The following STOML3 variants were observed in gnomAD, a reference collection of about 807,000 sequenced individuals.
STOML3 encodes the protein stomatin-like protein 3.
In STOML3, 31 loss-of-function variants were observed where a neutral mutation model predicts 29.5. That is an observed-to-expected ratio of 1.05 (90% confidence interval 0.79 to 1.42). The LOEUF (loss-of-function observed/expected upper bound fraction) is 1.42. Among genes scored for constraint, STOML3 ranks in the 40% most tolerant of loss-of-function variants. The pLI is 0.00. For missense variants in STOML3, 380 were observed against 363.0 expected (o/e 1.05, Z -0.38); for synonymous variants, 122 against 139.8 (o/e 0.87, Z 0.90).
chr13:38,968,381 T>C lies in STOML3; in HGVS notation c.651+19A>G, dbSNP rs1880733308. 1 of 1,613,696 alleles carries C rather than the reference T, an allele frequency of 6.2e-7. No homozygotes were observed. Among genetic ancestry groups the C allele is most frequent in the African/African-American group, 1.3e-5 (1 of 75,052 alleles). On this transcript the variant is annotated intron_variant, in intron 6 of 6. Transcript: ENST00000379631. ...CACTAGGCAGTTCTCCCTCCATGTG[T>C]GAACTGCACAACACTTACCTTGGCT...
chr13:38,985,012 G>C (rs988204735), intron 1 of STOML3, among the ~76,000 whole-genome samples: 1 of 152,098 alleles, frequency 6.6e-6, no homozygotes, highest in Non-Finnish European at 1.5e-5. Context: ...AGAAATCATG[G>C]TTCATCAGAC....
At chr13:38,976,819 A>C in intron 1 of STOML3, 22 bp from the exon 2 acceptor site, 4 of 1,589,322 alleles carry the variant, frequency 2.5e-6, no homozygotes, top group Non-Finnish European at 3.4e-6. Flanking sequence ...GAAGGAAGCA[A>C]ATATGTGATC....
intron 1 of STOML3, among the ~76,000 whole-genome samples, chr13:38,986,137 G>T (rs1319933060): frequency 3.4e-5 from 5 of 147,818 alleles, no homozygotes; most frequent in African/African-American, 1.3e-4. Context: ...TGCCTTCCAG[G>T]TTCAAGTGAT....
chr13:38,968,359 T>C, intron 6 of STOML3, 41 bp downstream of exon 6: 1 of 1,605,498 alleles, frequency 6.2e-7, no homozygotes. Context: ...GCCCCAACAC[T>C]AGGCAGTTCT....
chr13:38,969,985 T>A (rs1017318077), intron 5 of STOML3, among the ~76,000 whole-genome samples, 200 bp downstream of exon 5: 1 of 152,202 alleles, frequency 6.6e-6, no homozygotes, highest in Non-Finnish European at 1.5e-5. Flanking sequence ...TTTCTTGCAC[T>A]CAGATATTTA....
chr13:38,968,350 C>T, intron 6 of STOML3, 50 bp downstream of exon 6: 5 of 1,594,120 alleles, frequency 3.1e-6, no homozygotes, highest in Non-Finnish European at 4.3e-6. Context: ...TCCTTGTTGG[C>T]CCCAACACTA....
At chr13:38,968,054 T>G (rs1389990952) in intron 6 of STOML3, among the ~76,000 whole-genome samples, 6 of 152,192 alleles carry the variant, frequency 3.9e-5, no homozygotes, top group African/African-American at 1.2e-4. Flanking sequence ...TCAAGACTGC[T>G]TCAAGCCTGG....
At chr13:38,986,908 A>G (rs1184455292) in intron 1 of STOML3, among the ~76,000 whole-genome samples, 2 of 152,100 alleles carry the variant, frequency 1.3e-5, no homozygotes, top group African/African-American at 4.8e-5. Flanking sequence ...TATTTTAAGG[A>G]GCTCCCCAGG....
chr13:38,967,140 C>G, intron 6 of STOML3, 91 bp from the exon 7 acceptor site: 2 of 1,149,928 alleles, frequency 1.7e-6, no homozygotes, highest in South Asian at 3.1e-5. Context: ...TACCCCTCTC[C>G]CCAGCCCCCA....
intron 1 of STOML3, among the ~76,000 whole-genome samples, chr13:38,984,272 C>T (rs1868420129): frequency 6.6e-6 from 1 of 152,180 alleles, no homozygotes; most frequent in African/African-American, 2.4e-5. Flanking sequence ...GGTCCTCACA[C>T]ATCTTGTCCC....
chr13:38,982,464 C>A (rs1326131995), intron 1 of STOML3, among the ~76,000 whole-genome samples: 2 of 152,062 alleles, frequency 1.3e-5, no homozygotes, highest in East Asian at 3.9e-4. Context: ...GTCTCGGGAG[C>A]TAACCTTTGG....
Position 38,966,843 on chromosome 13 carries a change from C to G in STOML3, c.858G>C (p.Lys286Asn). 4.3e-6 allele frequency: 7 copies of G among 1,613,396 alleles called. No individual in the cohort carries two copies. Among genetic ancestry groups the G allele is most frequent in the Non-Finnish European group, 5.9e-6 (7 of 1,179,990 alleles). ...IGGVSYDNHK[K>N]LPNKA ...GAGGACCTCAGGCTTTATTTGGAAG[C>G]TTCTTGTGGTTATCATAGCTGACGC... Residue 286 changes from lysine to asparagine, a missense_variant, in exon 7 of 7, where the codon AAG (lysine) becomes AAC (asparagine). By Grantham distance (94) the Lys-to-Asn change is moderately conservative (BLOSUM62 0). Transcript: ENST00000379631.
chr13:38,975,662 C>T (rs1412943747), intron 3 of STOML3, among the ~76,000 whole-genome samples: 1 of 152,042 alleles, frequency 6.6e-6, no homozygotes, highest in African/African-American at 2.4e-5. Flanking sequence ...CATGAAATTG[C>T]CATATTTGGG....
rs147379777 is a variant in STOML3, at chr13:38,967,990, T to C, written c.651+410A>G. Among the ~76,000 whole-genome samples the C allele has an allele frequency of 1.7e-3, 250 of 144,576 alleles. 1 individual carries two copies. Among genetic ancestry groups the C allele is most frequent in the Non-Finnish European group, 2.8e-3 (184 of 65,148 alleles). 94.8% of individuals were successfully genotyped at this position (144,576 alleles called of 152,430 possible). A position where few individuals can be genotyped will look rare whatever the true frequency, so the allele number is the denominator to read the frequency against. Reference sequence around the variant, plus strand: ...AACAATGCGCAAAAGACAGGTTCCATGTTGGCTACATCTAAGTCACCAGCT... The same window carrying C: ...AACAATGCGCAAAAGACAGGTTCCACGTTGGCTACATCTAAGTCACCAGCT... On this transcript the variant is annotated intron_variant, in intron 6 of 6. Coordinates refer to ENST00000379631, the MANE Select transcript of STOML3 (RefSeq NM_145286.3).
At position 38,966,572 on chromosome 13, in the gene STOML3, C is replaced by T. The variant is rs751987434; in HGVS notation, c.*253G>A. On this transcript the variant is annotated 3_prime_UTR_variant, in exon 7 of 7. Transcript: ENST00000379631. Reference sequence around the variant, plus strand: ...AAGTTCCTGCTATAAAGTCGGAGACCACCACTAATTAATTATATAAGAATA... The same window carrying T: ...AAGTTCCTGCTATAAAGTCGGAGACTACCACTAATTAATTATATAAGAATA... 21 of 299,946 alleles carry T rather than the reference C, an allele frequency of 7.0e-5. No individual in the cohort carries two copies. The highest frequency in any genetic ancestry group is 5.5e-5 in the Non-Finnish European group (9 of 162,740). The allele number at this position is 299,946 out of a possible 1,614,324, so 18.6% of individuals were successfully genotyped here.
At chr13:38,968,683 G>A (rs559197492) in intron 5 of STOML3, 149 bp from the exon 6 acceptor site, 7 of 917,194 alleles carry the variant, frequency 7.6e-6, no homozygotes, top group Non-Finnish European at 1.1e-5. Context: ...TTTAGGAAGA[G>A]AATAAGAGTT....
Position 38,989,732 on chromosome 13 carries a change from A to T in STOML3, c.52+938T>A, listed in dbSNP as rs189421914. Among the ~76,000 whole-genome samples, 802 of 152,242 alleles carry T rather than the reference A, an allele frequency of 5.3e-3. 4 individuals carry two copies. The highest frequency in any genetic ancestry group is 6.6e-3 in the Non-Finnish European group (450 of 68,022). On this transcript the variant is annotated intron_variant, in intron 1 of 6. Coordinates refer to ENST00000379631, the MANE Select transcript of STOML3 (RefSeq NM_145286.3). ...GGCTGGTCTCGAACTCCTGAGCTCA[A>T]GTGATCTGCCTGCCTTGGCCTTCCA...
chr13:38,983,488 A>G (rs1188012152), intron 1 of STOML3, among the ~76,000 whole-genome samples: 4 of 152,298 alleles, frequency 2.6e-5, no homozygotes, highest in African/African-American at 7.2e-5. Context: ...GTCCATCTAG[A>G]TAATGGTTTC....
chr13:38,980,295 G>C (rs547224752), intron 1 of STOML3, among the ~76,000 whole-genome samples: 1 of 152,258 alleles, frequency 6.6e-6, no homozygotes, highest in East Asian at 1.9e-4. Flanking sequence ...CACCTTCCCT[G>C]CAGGCTCCCA....
Sources: gnomAD v4.1 joint callset for allele counts (sites outside exome capture counted in the v4.1 genomes callset) on GRCh38, gnomAD v4.1.1 for gene constraint, MANE v1.5 for transcripts, NCBI Gene and HGNC (gene_info 2026-07-23, HGNC 2026-07-21) for gene names.